TP73: variants seen among roughly 807,000 people sequenced by gnomAD.
The protein encoded by TP73 is p53-like transcription factor.
A neutral mutation model predicts 62.5 loss-of-function variants in TP73; 25 were observed. That is an observed-to-expected ratio of 0.40 (90% CI 0.29 to 0.56). The LOEUF (loss-of-function observed/expected upper bound fraction) is 0.56. TP73 is among the 20% of genes least tolerant of loss of function. The pLI, the probability that TP73 is intolerant of heterozygous loss-of-function variation, is 0.46. For synonymous variants in TP73, 423 were observed against 377.5 expected, an observed-to-expected ratio of 1.12 and a Z score of -1.40; for missense variants, 754 against 913.3, an observed-to-expected ratio of 0.83 and a Z score of 2.25.
chr1:3,687,191 CA>C (rs1645680221), intron 3 of TP73, among the ~76,000 whole-genome samples: 1 of 152,138 alleles, frequency 6.6e-6, no homozygotes, highest in African/African-American at 2.4e-5. Flanking sequence ...AAGAGGAGAG[CA>C]GGGGGAAGCC....
intron 4 of TP73, among the ~76,000 whole-genome samples, chr1:3,710,810 C>T (rs1270197207): frequency 2.0e-5 from 3 of 152,350 alleles, no homozygotes; most frequent in South Asian, 2.1e-4. Context: ...CTTATGCACA[C>T]GCAGACACAT....
At chr1:3,667,728 C>T (rs902434605) in intron 1 of TP73, among the ~76,000 whole-genome samples, 9 of 136,940 alleles carry the variant, frequency 6.6e-5, no homozygotes, top group Non-Finnish European at 1.2e-4. Context: ...CCAGCCTGGG[C>T]GACAGAGAGA....
At position 3,730,124 on chromosome 1, in the gene TP73, G is replaced by A. The variant is rs371086467; in HGVS notation, c.1321G>A (p.Ala441Thr). Residue 441 changes from alanine to threonine, a missense_variant, in exon 11 of 14, where the codon GCT (alanine) becomes ACT (threonine). Transcript: ENST00000378295. The stretch of plus-strand genomic sequence containing the variant: ...CCAGCCTCCCCCGCACAGTTCGGCA[G>A]CTACACCCAACCTGGGGCCCGTGGG... ...VGQPPPHSSA[A>T]TPNLGPVGPG... The A allele has an allele frequency of 6.4e-7, 1 of 1,566,046 alleles. No homozygotes were observed. Among genetic ancestry groups the A allele is most frequent in the Admixed American group, 1.9e-5 (1 of 53,188 alleles).
intron 4 of TP73, among the ~76,000 whole-genome samples, chr1:3,721,501 CTTG>C (rs1641070997): frequency 6.6e-6 from 1 of 152,252 alleles, no homozygotes; most frequent in Non-Finnish European, 1.5e-5. Flanking sequence ...TCTATGGAAG[CTTG>C]AATGCATAGT....
At chr1:3,655,338 G>T (rs538844301) in intron 1 of TP73, among the ~76,000 whole-genome samples, 1 of 152,268 alleles carries the variant, frequency 6.6e-6, no homozygotes. Flanking sequence ...AGTGAGCCGA[G>T]ATCACCCCAC....
At chr1:3,729,876 T>C in intron 10 of TP73, 124 bp from the exon 11 acceptor site, 1 of 1,352,140 alleles carries the variant, frequency 7.4e-7, no homozygotes, top group South Asian at 1.5e-5. Flanking sequence ...TGGGGGAGGA[T>C]GAAGCCACTC....
At chr1:3,676,524 G>T (rs555193423) in intron 1 of TP73, among the ~76,000 whole-genome samples, 1 of 151,812 alleles carries the variant, frequency 6.6e-6, no homozygotes, top group Non-Finnish European at 1.5e-5. Flanking sequence ...TGTGGCTTTC[G>T]TGGGAAGCTA....
At chr1:3,710,243 C>T (rs1029464249) in intron 4 of TP73, among the ~76,000 whole-genome samples, 3 of 151,934 alleles carry the variant, frequency 2.0e-5, no homozygotes, top group African/African-American at 4.8e-5. Flanking sequence ...AAAATGCTGT[C>T]GCCTGCACCC....
intron 3 of TP73, chr1:3,698,210 G>C: frequency 2.4e-6 from 2 of 823,326 alleles, no homozygotes; most frequent in Non-Finnish European, 2.9e-6. Context: ...AGGATGTCAG[G>C]GCTGACACCT....
intron 4 of TP73, among the ~76,000 whole-genome samples, chr1:3,720,254 C>A (rs1490968907): frequency 6.6e-6 from 1 of 152,212 alleles, no homozygotes; most frequent in African/African-American, 2.4e-5. Context: ...GCCTCCCCTG[C>A]AGGGCTGTGC....
chr1:3,675,994 G>A (rs1645356620), intron 1 of TP73, among the ~76,000 whole-genome samples: 1 of 152,070 alleles, frequency 6.6e-6, no homozygotes, highest in Admixed American at 6.5e-5. Flanking sequence ...AGGGCAGGAA[G>A]GGGGTGGTAG....
At chr1:3,718,018 G>T (rs1640747678) in intron 4 of TP73, among the ~76,000 whole-genome samples, 1 of 152,184 alleles carries the variant, frequency 6.6e-6, no homozygotes, top group Non-Finnish European at 1.5e-5. Context: ...TGCTCACATC[G>T]CCTGAGGACA....
At chr1:3,720,216 CG>C (rs997999400) in intron 4 of TP73, among the ~76,000 whole-genome samples, 4 of 152,214 alleles carry the variant, frequency 2.6e-5, no homozygotes, top group African/African-American at 9.6e-5. Context: ...GCCCTCAGCC[CG>C]TTTCCTGCTT....
At position 3,710,783 on chromosome 1, in the gene TP73, C is replaced by T. The variant is rs564288758; in HGVS notation, c.429+2992C>T. 1.2e-4 allele frequency among the ~76,000 whole-genome samples: 19 copies of T among 152,330 alleles called. No homozygotes were observed. In the South Asian group the frequency reaches 3.3e-3, roughly 27 times the overall value. On this transcript the variant is annotated intron_variant, in intron 4 of 13. Coordinates refer to ENST00000378295, the MANE Select transcript of TP73 (RefSeq NM_005427.4). ...GCACCCTCCCACATGCATGCACACA[C>T]GTGGATACACAAGTACCTTATGCAC...
Position 3,672,805 on chromosome 1 carries a change from C to T in TP73, c.-33-9528C>T, listed in dbSNP as rs1409147975. Among the ~76,000 whole-genome samples the T allele has an allele frequency of 1.3e-5, 2 of 152,172 alleles. No homozygotes were observed. The highest frequency in any genetic ancestry group is 3.9e-4 in the East Asian group (2 of 5,186). On this transcript the variant is annotated intron_variant, in intron 1 of 13. Coordinates refer to ENST00000378295, the MANE Select transcript of TP73 (RefSeq NM_005427.4). The surrounding 1 kb of genome is among the most constrained non-coding windows in gnomAD (Gnocchi z 5.3). ...ACTTCCCTCCTGCCGCCAACCTCGT[C>T]CCCCCAAGGGCCATGTCCCTGCCCA...
chr1:3,677,689 C>CTTTTTTTTTT (rs1215137164), intron 1 of TP73, among the ~76,000 whole-genome samples: 1 of 137,224 alleles, frequency 7.3e-6, no homozygotes. Flanking sequence ...TCCTTCCTTC[C>CTTTTTTTTTT]CTTTTTTTTT....
rs181816680 is a variant in TP73, at chr1:3,696,625, G to C, written c.187-10924G>C. On this transcript the variant is annotated intron_variant, in intron 3 of 13. Coordinates refer to ENST00000378295, the MANE Select transcript of TP73 (RefSeq NM_005427.4). The surrounding 1 kb of genome is among the most constrained non-coding windows in gnomAD (Gnocchi z 4.1). ...GGCTGGGAGAACAGAAAAGGGACTG[G>C]GGCTTGGCAACCCAGAGGCTGCTGA... 1.9e-4 allele frequency among the ~76,000 whole-genome samples: 29 copies of C among 152,136 alleles called. No individual in the cohort carries two copies. The highest frequency in any genetic ancestry group is 2.6e-4 in the Non-Finnish European group (18 of 67,996).
intron 1 of TP73, among the ~76,000 whole-genome samples, chr1:3,657,837 TC>T (rs1644898326): frequency 1.3e-5 from 2 of 152,208 alleles, no homozygotes; most frequent in South Asian, 2.1e-4. Flanking sequence ...AACAGACTGT[TC>T]CACACACTCC....
intron 3 of TP73, among the ~76,000 whole-genome samples, chr1:3,686,962 G>A (rs1645673868): frequency 6.6e-6 from 1 of 152,210 alleles, no homozygotes; most frequent in African/African-American, 2.4e-5. Flanking sequence ...CTAGGTGTGA[G>A]GGTGAGGGCA....
Sources: allele counts gnomAD v4.1 joint callset (sites outside exome capture counted in the v4.1 genomes callset), GRCh38; gene constraint gnomAD v4.1.1; non-coding constraint Gnocchi (gnomAD v3.1); transcripts MANE v1.5; gene names NCBI Gene and HGNC (gene_info 2026-07-23, HGNC 2026-07-21).